Variants in DOCK2 observed in about 807,000 individuals in gnomAD.
DOCK2 encodes dedicator of cytokinesis 2.
Under a neutral mutation model 248.9 loss-of-function variants are expected in DOCK2, and 87 were observed. That is an observed-to-expected ratio of 0.35 (90% CI 0.29 to 0.42). The LOEUF is 0.42. DOCK2 is among the 10% of genes least tolerant of loss of function. The pLI, the probability that DOCK2 is intolerant of heterozygous loss-of-function variation, is 1.00. For missense variants in DOCK2, 1,747 were observed against 2,300.2 expected (o/e 0.76, Z 4.92); for synonymous variants, 805 against 821.6 (o/e 0.98, Z 0.35).
In DOCK2 at chr5:169,848,519, A is replaced by G. The variant is rs10035798; in HGVS notation, c.2799+7667A>G. ...TGCATCCTGTTACTGACTGCTCTAG[A>G]GAGGGCTGTCCCGTCTCCTGCCACC... On this transcript the variant is annotated intron_variant, in intron 27 of 51. Transcript: ENST00000520908. Among the ~76,000 whole-genome samples the G allele has an allele frequency of 3.0e-3, 460 of 152,330 alleles. 3 individuals carry two copies. The highest frequency in any genetic ancestry group is 0.011 in the African/African-American group (446 of 41,566).
At chr5:169,970,069 A>G (rs1487195902) in intron 27 of DOCK2, among the ~76,000 whole-genome samples, 1 of 152,204 alleles carries the variant, frequency 6.6e-6, no homozygotes, top group Admixed American at 6.5e-5. Context: ...GAAGCCTCCC[A>G]TGTCCCACCC....
chr5:169,718,900 G>A (rs1321932091), intron 22 of DOCK2, 109 bp downstream of exon 22: 13 of 1,410,728 alleles, frequency 9.2e-6, no homozygotes, highest in East Asian at 2.4e-5. Context: ...ACCAGCTGTC[G>A]ATCAAAAACA....
At chr5:169,990,669 G>A (rs1778182987) in intron 29 of DOCK2, among the ~76,000 whole-genome samples, 1 of 152,216 alleles carries the variant, frequency 6.6e-6, no homozygotes, top group African/African-American at 2.4e-5. Context: ...CGGCTCAAGA[G>A]GAGGGATGTC....
chr5:169,761,423 C>T (rs1764481592), intron 24 of DOCK2, 96 bp from the exon 25 acceptor site: 1 of 997,924 alleles, frequency 1.0e-6, no homozygotes, highest in African/African-American at 1.6e-5. Context: ...TTGGGGGTTT[C>T]CCAGAGCTAG....
intron 22 of DOCK2, among the ~76,000 whole-genome samples, chr5:169,720,305 A>G (rs1762128372): frequency 1.3e-5 from 2 of 152,198 alleles, no homozygotes; most frequent in Admixed American, 6.5e-5. Flanking sequence ...AAAGTCAAGG[A>G]TATCTTATCC....
chr5:170,027,009 AG>A (rs1306103142), intron 33 of DOCK2, among the ~76,000 whole-genome samples: 1 of 152,096 alleles, frequency 6.6e-6, no homozygotes, highest in Non-Finnish European at 1.5e-5. Context: ...GGCTGAATGC[AG>A]GGGCTCACAA....
At chr5:169,958,249 C>G (rs1776946738) in intron 27 of DOCK2, among the ~76,000 whole-genome samples, 1 of 152,118 alleles carries the variant, frequency 6.6e-6, no homozygotes, top group Non-Finnish European at 1.5e-5. Flanking sequence ...GGCACCTACC[C>G]CATTTATACT....
rs545379811 is a variant in DOCK2 at position 169,674,255 on chromosome 5, C to T, written c.322-42C>T. 1.2e-5 allele frequency: 19 copies of T among 1,605,968 alleles called. No homozygotes were observed. In the African/African-American group the frequency reaches 1.6e-4, roughly 14 times the overall value. On this transcript the variant is annotated intron_variant, in intron 5 of 51. Transcript: ENST00000520908. ...CAGCCTGCCAAATAGATGGTCATGC[C>T]CCTTTAACACAGGTAATTATGGGTT... is the stretch of plus-strand genomic sequence containing the variant.
intron 27 of DOCK2, among the ~76,000 whole-genome samples, chr5:169,874,702 C>T (rs1772213875): frequency 6.6e-6 from 1 of 152,180 alleles, no homozygotes; most frequent in Non-Finnish European, 1.5e-5. Context: ...TTTAATTACT[C>T]TCAACCTTTG....
rs921204170 is a variant in DOCK2 at position 169,689,264 on chromosome 5, A to G, written c.774A>G (p.Leu258=). The change falls in exon 9 of 52, where the codon CTA becomes CTG. Residue 258 remains leucine, a synonymous_variant. Coordinates refer to ENST00000520908, the MANE Select transcript of DOCK2 (RefSeq NM_004946.3). ...CTTCTTCCCACAGTGAGAACTACCT[A>G]GTGCGATGGGGCAGCCGGGGCTTCC... ...NKQTVISENY[L]VRWGSRGFPK... The G allele has an allele frequency of 2.8e-5, 45 of 1,613,992 alleles. No homozygotes were observed. The highest frequency in any genetic ancestry group is 3.6e-5 in the Non-Finnish European group (43 of 1,179,978).
At chr5:170,061,450 A>G (rs1757324206) in intron 44 of DOCK2, among the ~76,000 whole-genome samples, 1 of 152,232 alleles carries the variant, frequency 6.6e-6, no homozygotes, top group African/African-American at 2.4e-5. Flanking sequence ...TGTGGCCAGC[A>G]TGGGCTGGCA....
intron 30 of DOCK2, among the ~76,000 whole-genome samples, chr5:170,004,903 T>G (rs2113806183): frequency 7.6e-6 from 1 of 131,316 alleles, no homozygotes; most frequent in South Asian, 2.7e-4. Flanking sequence ...AATATCACAC[T>G]CTGGGGACTG....
At chr5:170,007,091 A>T (rs554374252) in intron 30 of DOCK2, among the ~76,000 whole-genome samples, 1 of 152,360 alleles carries the variant, frequency 6.6e-6, no homozygotes, top group South Asian at 2.1e-4. Flanking sequence ...AACCGATTTG[A>T]AAGTCATACT....
chr5:170,067,990 T>C (rs1264323636), intron 45 of DOCK2, among the ~76,000 whole-genome samples: 1 of 152,178 alleles, frequency 6.6e-6, no homozygotes, highest in East Asian at 1.9e-4. Flanking sequence ...GGAAAGGCTC[T>C]GGGATGAGTG....
chr5:169,711,040 G>T (rs1399038384), intron 15 of DOCK2, among the ~76,000 whole-genome samples: 1 of 152,176 alleles, frequency 6.6e-6, no homozygotes, highest in Non-Finnish European at 1.5e-5. Flanking sequence ...ATTGGCTGCA[G>T]TTACCCATGA....
intron 32 of DOCK2, among the ~76,000 whole-genome samples, chr5:170,014,233 A>C (rs550668866): frequency 1.5e-3 from 235 of 152,070 alleles, no homozygotes; most frequent in African/African-American, 5.5e-3. Flanking sequence ...CATTCATGTA[A>C]TAACCAACAT....
chr5:169,813,136 C>A (rs1767860262), intron 26 of DOCK2, among the ~76,000 whole-genome samples: 1 of 152,190 alleles, frequency 6.6e-6, no homozygotes. Flanking sequence ...CTGGAGCTGG[C>A]TCTTTCCAGC....
At chr5:169,679,453 A>G (rs543181282) in intron 6 of DOCK2, among the ~76,000 whole-genome samples, 207 of 152,250 alleles carry the variant, frequency 1.4e-3, no homozygotes, top group African/African-American at 4.7e-3. Context: ...AAAGCTCCCA[A>G]AGTTCCAAGT....
intron 26 of DOCK2, among the ~76,000 whole-genome samples, chr5:169,819,173 G>T (rs986347564): frequency 6.6e-6 from 1 of 152,176 alleles, no homozygotes; most frequent in Non-Finnish European, 1.5e-5. Flanking sequence ...GGCCAGGCCC[G>T]TTGGCTCATG....
Sources: gnomAD v4.1 joint callset for allele counts (sites outside exome capture counted in the v4.1 genomes callset) on GRCh38, gnomAD v4.1.1 for gene constraint, MANE v1.5 for transcripts, NCBI Gene and HGNC (gene_info 2026-07-23, HGNC 2026-07-21) for gene names.